Variants in ZFHX3 observed in about 807,000 individuals in gnomAD.
The protein encoded by ZFHX3 is zinc finger homeobox protein 3.
A neutral mutation model predicts 279.1 loss-of-function variants in ZFHX3; 42 were observed. The ratio of observed to expected loss-of-function variants is 0.15; its 90% CI spans 0.12 to 0.19. The LOEUF (loss-of-function observed/expected upper bound fraction) is 0.19. Among genes scored for constraint, ZFHX3 ranks in the 10% least tolerant of loss-of-function variants. The pLI, the probability that ZFHX3 is intolerant of heterozygous loss-of-function variation, is 1.00. For synonymous variants in ZFHX3, 2,293 were observed against 1,957.8 expected (o/e 1.17, Z -4.52); for missense variants, 4,981 against 4,754.0 (o/e 1.05, Z -1.40).
intron 5 of ZFHX3, among the ~76,000 whole-genome samples, chr16:73,169,847 T>A (rs986274887): frequency 6.6e-6 from 1 of 152,150 alleles, no homozygotes; most frequent in Non-Finnish European, 1.5e-5. Flanking sequence ...AAAGCTGTTT[T>A]TTCTTGAGGG....
chr16:73,885,229 T>C (rs964973491), intron 1 of ZFHX3, among the ~76,000 whole-genome samples: 1 of 152,054 alleles, frequency 6.6e-6, no homozygotes, highest in African/African-American at 2.4e-5. Context: ...GACTGAAGGG[T>C]GAGACAGGGG....
At chr16:72,944,287 A>G (rs1225199528) in intron 3 of ZFHX3, among the ~76,000 whole-genome samples, 1 of 152,224 alleles carries the variant, frequency 6.6e-6, no homozygotes, top group East Asian at 1.9e-4. Flanking sequence ...CCTGTCTCAA[A>G]AAACAAAATA....
In ZFHX3 at chr16:72,958,372, C is replaced by G. The variant is rs200693897; in HGVS notation, c.1774G>C (p.Asp592His). ...GCATTGTCTTTATTGGCACTTTCGT[C>G]AGCGAAGTCCAGCCTCCTGCCGCCC... ...AEGGRRLDFA[D>H]ESANKDNATA... Residue 592 changes from aspartate to histidine, a missense_variant, in exon 2 of 10, where the codon GAC becomes CAC. Around this residue, in one of 7 missense-constraint regions of ZFHX3, gnomAD observed 1,068 missense variants for 935.2 expected, o/e 1.14. Transcript: ENST00000268489. 6.2e-7 allele frequency: 1 copy of G among 1,614,150 alleles called. No homozygotes were observed. Among genetic ancestry groups the G allele is most frequent in the Non-Finnish European group, 8.5e-7 (1 of 1,180,014 alleles).
chr16:73,197,083 A>G (rs1382144754), intron 5 of ZFHX3, among the ~76,000 whole-genome samples: 1 of 152,132 alleles, frequency 6.6e-6, no homozygotes, highest in African/African-American at 2.4e-5. Flanking sequence ...CTTTAAAACC[A>G]TCATGTTAAA....
At chr16:73,865,307 G>T (rs1404633500) in intron 1 of ZFHX3, among the ~76,000 whole-genome samples, 1 of 152,180 alleles carries the variant, frequency 6.6e-6, no homozygotes, top group Admixed American at 6.5e-5. Flanking sequence ...GAAAGGCCTG[G>T]AATCTATGCA....
intron 2 of ZFHX3, among the ~76,000 whole-genome samples, chr16:73,658,452 G>A (rs1274581831): frequency 1.3e-5 from 2 of 152,042 alleles, no homozygotes; most frequent in Admixed American, 6.6e-5. Flanking sequence ...ATAGGCATGC[G>A]CCACCACACC....
At chr16:72,990,474 G>A (rs753888901) in intron 1 of ZFHX3, among the ~76,000 whole-genome samples, 9 of 152,148 alleles carry the variant, frequency 5.9e-5, no homozygotes, top group Non-Finnish European at 8.8e-5. Context: ...GAGCTATGGG[G>A]AAGTCCAGGC....
At chr16:73,312,561 G>A (rs1207421874) in intron 4 of ZFHX3, among the ~76,000 whole-genome samples, 1 of 152,162 alleles carries the variant, frequency 6.6e-6, no homozygotes, top group African/African-American at 2.4e-5. Context: ...CATTCCTGGT[G>A]CCTATTGCTC....
intron 3 of ZFHX3, among the ~76,000 whole-genome samples, chr16:73,342,899 G>T (rs2016060341): frequency 6.6e-6 from 1 of 152,186 alleles, no homozygotes; most frequent in South Asian, 2.1e-4. Context: ...CTGTGTGGGG[G>T]CTGGGGAACT....
At chr16:73,883,444 TATA>T (rs2030242325) in intron 1 of ZFHX3, among the ~76,000 whole-genome samples, 1 of 151,836 alleles carries the variant, frequency 6.6e-6, no homozygotes, top group African/African-American at 2.4e-5. Context: ...AATATGTATT[TATA>T]ATGTGGACAT....
At chr16:73,236,775 A>G (rs1779483764) in intron 5 of ZFHX3, among the ~76,000 whole-genome samples, 1 of 152,196 alleles carries the variant, frequency 6.6e-6, no homozygotes, top group African/African-American at 2.4e-5. Context: ...CATTTTAAAA[A>G]ATGTTCTTCT....
chr16:73,368,250 G>A (rs2016564365), intron 3 of ZFHX3, among the ~76,000 whole-genome samples: 1 of 152,330 alleles, frequency 6.6e-6, no homozygotes, highest in South Asian at 2.1e-4. Context: ...AAGTATGGAA[G>A]AGCTGCAAAA....
At chr16:73,223,799 C>G (rs1215235038) in intron 5 of ZFHX3, among the ~76,000 whole-genome samples, 1 of 152,116 alleles carries the variant, frequency 6.6e-6, no homozygotes, top group Non-Finnish European at 1.5e-5. Context: ...TTGAGAGTAA[C>G]CAAGATGTCC....
At chr16:73,017,089 TG>T (rs1209137926) in intron 1 of ZFHX3, among the ~76,000 whole-genome samples, 1 of 151,654 alleles carries the variant, frequency 6.6e-6, no homozygotes, top group East Asian at 1.9e-4. Flanking sequence ...CAGCCAGGCG[TG>T]GGGGCATGTG....
chr16:73,093,191 G>T, intron 8 of ZFHX3: 1 of 520,002 alleles, frequency 1.9e-6, no homozygotes, highest in Non-Finnish European at 3.8e-6. Flanking sequence ...GGAAACTCTG[G>T]ACGACCACGC....
chr16:73,181,154 G>A (rs554326631), intron 5 of ZFHX3, among the ~76,000 whole-genome samples: 28 of 151,966 alleles, frequency 1.8e-4, no homozygotes, highest in East Asian at 1.2e-3. Context: ...AGGCTGGAGT[G>A]CAGTGGTATA....
At chr16:73,383,486 A>C (rs1026617226) in intron 3 of ZFHX3, among the ~76,000 whole-genome samples, 1 of 152,220 alleles carries the variant, frequency 6.6e-6, no homozygotes, top group African/African-American at 2.4e-5. Flanking sequence ...AAATGAAAGA[A>C]CGCACACAGA....
At chr16:73,706,763 T>C (rs959552238) in intron 1 of ZFHX3, among the ~76,000 whole-genome samples, 2 of 152,180 alleles carry the variant, frequency 1.3e-5, no homozygotes, top group Admixed American at 1.3e-4. Context: ...AGCCATCTCC[T>C]ATGCCAATTT....
At chr16:73,290,775 C>T (rs1055527348) in intron 4 of ZFHX3, among the ~76,000 whole-genome samples, 2 of 152,216 alleles carry the variant, frequency 1.3e-5, no homozygotes, top group Non-Finnish European at 2.9e-5. Context: ...AGCCAGCAGC[C>T]TCTCAGGCTA....
Sources: gnomAD v4.1 joint callset for allele counts (sites outside exome capture counted in the v4.1 genomes callset) on GRCh38, gnomAD v4.1.1 for gene constraint, gnomAD v4.1.1 regional missense constraint, MANE v1.5 for transcripts, NCBI Gene and HGNC (gene_info 2026-07-23, HGNC 2026-07-21) for gene names.